Variants in TRA2B observed in about 807,000 individuals in gnomAD.
TRA2B encodes the protein transformer-2 protein homolog beta.
Under a neutral mutation model 41.7 loss-of-function variants are expected in TRA2B, and 14 were observed. The observed-to-expected ratio is 0.34, with a 90% CI of 0.22 to 0.53. The LOEUF (loss-of-function observed/expected upper bound fraction) is 0.53, where lower values mean the gene tolerates loss of function less well. TRA2B is among the 20% of genes least tolerant of loss of function. The pLI is 0.95. For synonymous variants in TRA2B, 130 were observed against 128.8 expected (o/e 1.01, Z -0.06); for missense variants, 167 against 396.8 (o/e 0.42, Z 4.92).
chr3:185,926,969 C>T, intron 1 of TRA2B: 1 of 437,554 alleles, frequency 2.3e-6, no homozygotes, highest in East Asian at 4.7e-5. Flanking sequence ...AGTTATTTGA[C>T]CCCACTTCCT....
intron 1 of TRA2B, among the ~76,000 whole-genome samples, chr3:185,930,094 A>G (rs1005830418): frequency 6.6e-6 from 1 of 152,204 alleles, no homozygotes; most frequent in Non-Finnish European, 1.5e-5. Flanking sequence ...ACAATGGTCC[A>G]CTAGCAACGT....
chr3:185,934,438 T>C (rs1233359712), intron 1 of TRA2B: 3 of 985,284 alleles, frequency 3.0e-6, no homozygotes, highest in Admixed American at 1.2e-4. Flanking sequence ...CCTTATAAAA[T>C]CACCTGTAAT....
At chr3:185,927,658 TG>T (rs1240636663) in intron 1 of TRA2B, 1 of 152,040 alleles carries the variant, frequency 6.6e-6, no homozygotes, top group Non-Finnish European at 1.5e-5. Context: ...CAACCAAAAC[TG>T]GGATTGGCTG....
chr3:185,935,961 AAC>A (rs1376399917), intron 1 of TRA2B: 348 of 985,310 alleles, frequency 3.5e-4, no homozygotes, highest in Admixed American at 1.2e-3. Context: ...GATTGCGAAA[AAC>A]ACAGTGTACT....
chr3:185,924,758 G>A (rs894868090), intron 3 of TRA2B: 1 of 152,404 alleles, frequency 6.6e-6, no homozygotes, highest in Non-Finnish European at 1.5e-5. Flanking sequence ...GCTGCAGTAA[G>A]CTGAGATTGC....
At position 185,917,742 on chromosome 3, in the gene TRA2B, G is replaced by A. The variant is rs1743554302; in HGVS notation, c.857-17C>T. ...AATAGCGACCTGGGAAGAAAAGAAT[G>A]AACATGCTTTAATATTAAGTGAACT... On this transcript the variant is annotated splice_polypyrimidine_tract_variant and intron_variant, in intron 8 of 8. Transcript: ENST00000453386. 3 of 1,611,446 alleles carry A rather than the reference G, an allele frequency of 1.9e-6. No individual in the cohort carries two copies. Among genetic ancestry groups the A allele is most frequent in the African/African-American group, 2.7e-5 (2 of 74,814 alleles).
rs1489343482 is a variant in TRA2B at position 185,916,188 on chromosome 3, T to C, written c.*1527A>G. Reference sequence around the variant, plus strand: ...AATTAAGACCTGCCAATACTGCCTATGCTCCATTACTGGTATTTTCCATCA... The same window carrying C: ...AATTAAGACCTGCCAATACTGCCTACGCTCCATTACTGGTATTTTCCATCA... On this transcript the variant is annotated 3_prime_UTR_variant, in exon 9 of 9. Transcript: ENST00000453386. The C allele has an allele frequency of 1.3e-5, 2 of 152,248 alleles. No homozygotes were observed. Among genetic ancestry groups the C allele is most frequent in the Non-Finnish European group, 2.9e-5 (2 of 68,042 alleles). 9.4% of individuals were successfully genotyped at this position (152,248 alleles called of 1,614,324 possible). A position where few individuals can be genotyped will look rare whatever the true frequency, so the allele number is the denominator to read the frequency against.
chr3:185,928,755 A>C (rs1488226517), intron 1 of TRA2B: 1 of 152,262 alleles, frequency 6.6e-6, no homozygotes, highest in Non-Finnish European at 1.5e-5. Context: ...TTTCACAGTA[A>C]CAGTTAAGAC....
intron 4 of TRA2B, 191 bp from the exon 5 acceptor site, chr3:185,922,317 A>AT (rs1458512051): frequency 2.4e-6 from 1 of 425,004 alleles, no homozygotes; most frequent in South Asian, 5.8e-5. Flanking sequence ...AAAGCTACTC[A>AT]TAAAAACTTG....
At chr3:185,923,603 G>A in intron 4 of TRA2B, 193 bp downstream of exon 4, 1 of 448,504 alleles carries the variant, frequency 2.2e-6, no homozygotes, top group Non-Finnish European at 3.9e-6. Flanking sequence ...TAATAAAGCA[G>A]GTGGTAGGAC....
intron 1 of TRA2B, among the ~76,000 whole-genome samples, chr3:185,932,200 C>T (rs1180313375): frequency 2.3e-4 from 35 of 152,078 alleles, no homozygotes; most frequent in Admixed American, 2.3e-3. Flanking sequence ...AAAAGCACAC[C>T]TCTAGTCAAA....
intron 1 of TRA2B, chr3:185,936,673 ATTGT>A (rs1183622673): frequency 7.3e-6 from 7 of 965,026 alleles, no homozygotes; most frequent in African/African-American, 5.8e-5. Flanking sequence ...TAGGTAACAA[ATTGT>A]TTTTTTTTTT....
chr3:185,938,006 A>C lies in TRA2B; in HGVS notation c.-146T>G, dbSNP rs550401604. 8.3e-6 allele frequency: 7 copies of C among 845,672 alleles called. No homozygotes were observed. The highest frequency in any genetic ancestry group is 2.7e-5 in the East Asian group (1 of 36,452). 52.4% of individuals were successfully genotyped at this position (845,672 alleles called of 1,614,324 possible). A position where few individuals can be genotyped will look rare whatever the true frequency, so the allele number is the denominator to read the frequency against. ...CCGAAATGCTCCGCACCGCCTCCGCACGGGCTCTAACTCTACCGGATGTGA... is the reference window on the plus strand; with the variant it reads ...CCGAAATGCTCCGCACCGCCTCCGCCCGGGCTCTAACTCTACCGGATGTGA... On this transcript the variant is annotated 5_prime_UTR_variant, in exon 1 of 9. Transcript: ENST00000453386.
intron 1 of TRA2B, chr3:185,934,481 A>G (rs1744272567): frequency 3.0e-6 from 3 of 985,322 alleles, no homozygotes; most frequent in Non-Finnish European, 3.6e-6. Context: ...CTAGTTCCAG[A>G]CAATATCCAC....
chr3:185,922,950 T>C (rs1487982702), intron 4 of TRA2B: 1 of 152,170 alleles, frequency 6.6e-6, no homozygotes, highest in Non-Finnish European at 1.5e-5. Flanking sequence ...TTTATGCTAT[T>C]TTCCGAGAGC....
At chr3:185,934,311 C>A in intron 1 of TRA2B, 4 of 984,542 alleles carry the variant, frequency 4.1e-6, no homozygotes, top group Non-Finnish European at 4.8e-6. Context: ...TTACCACCTA[C>A]GTTCGGATTT....
chr3:185,933,671 A>G (rs1172238505), intron 1 of TRA2B, among the ~76,000 whole-genome samples: 1 of 152,136 alleles, frequency 6.6e-6, no homozygotes, highest in Admixed American at 6.5e-5. Flanking sequence ...CTGGCAGCCA[A>G]ACTGTCTACC....
At chr3:185,919,724 AATC>A (rs1177984694) in intron 6 of TRA2B, among the ~76,000 whole-genome samples, 8 of 152,194 alleles carry the variant, frequency 5.3e-5, no homozygotes, top group African/African-American at 1.4e-4. Flanking sequence ...TAAAAAAAAA[AATC>A]AAACTAAGAA....
At chr3:185,935,766 T>A in intron 1 of TRA2B, 1 of 985,420 alleles carries the variant, frequency 1.0e-6, no homozygotes, top group South Asian at 4.7e-5. Flanking sequence ...ACGTGTTTGA[T>A]TCAGGTGTAT....
Sources: allele counts gnomAD v4.1 joint callset (sites outside exome capture counted in the v4.1 genomes callset), GRCh38; gene constraint gnomAD v4.1.1; transcripts MANE v1.5; gene names NCBI Gene and HGNC (gene_info 2026-07-23, HGNC 2026-07-21).